The following SLC28A1 variants were observed in gnomAD, a reference collection of about 807,000 sequenced individuals.
The protein encoded by SLC28A1 is solute carrier family 28 member 1.
A neutral mutation model predicts 74.8 loss-of-function variants in SLC28A1; 64 were observed. The ratio of observed to expected loss-of-function variants is 0.86; its 90% CI spans 0.70 to 1.05. The LOEUF is 1.05. SLC28A1 is among the 50% of genes least tolerant of loss of function. SLC28A1 has a pLI of 0.00. For synonymous variants in SLC28A1, 359 were observed against 335.0 expected (o/e 1.07, Z -0.78); for missense variants, 828 against 822.8 (o/e 1.01, Z -0.08).
chr15:84,974,446 C>A, the SLC28A1 span, among the ~76,000 whole-genome samples: 1 of 152,218 alleles, frequency 6.6e-6, no homozygotes, highest in South Asian at 2.1e-4. Flanking sequence ...AATTACTTAA[C>A]CTCTCTGTCT....
the SLC28A1 span, among the ~76,000 whole-genome samples, chr15:84,966,615 A>G: frequency 6.6e-6 from 1 of 152,224 alleles, no homozygotes; most frequent in Non-Finnish European, 1.5e-5. Context: ...GGTTTAAAGG[A>G]TTTACAGTTC....
the SLC28A1 span, among the ~76,000 whole-genome samples, chr15:84,956,491 G>C: frequency 0.67 from 70,972 of 105,222 alleles, 22,798 homozygotes; most frequent in South Asian, 0.76. Context: ...TTCTTTCTTT[G>C]TTTCTCTTTC....
chr15:84,906,561 TTTCTCTTTCTTTCTTCCTTC>T (rs1567140421), intron 8 of SLC28A1, among the ~76,000 whole-genome samples: 2 of 86,200 alleles, frequency 2.3e-5, no homozygotes, highest in African/African-American at 1.0e-4. Context: ...TCTTTCTTTC[TTTCTCTTTCTTTCTTCCTTC>T]CTTCCTTCCT....
the SLC28A1 span, among the ~76,000 whole-genome samples, chr15:84,963,521 C>T: frequency 4.6e-5 from 7 of 152,302 alleles, no homozygotes; most frequent in South Asian, 8.3e-4. Context: ...GAGGGTGGGA[C>T]ACCCTTTCAC....
rs1321530168 is a variant in SLC28A1, at chr15:84,945,337, A to C, written c.*137A>C. On this transcript the variant is annotated 3_prime_UTR_variant, in exon 19 of 19. Transcript: ENST00000394573. ...ACCCAGCTCAATCCCACAATTGGGA[A>C]GGGTTCATGGAGTGAGTGTGCAGAG... 1 of 790,228 alleles carries C rather than the reference A, an allele frequency of 1.3e-6. No homozygotes were observed. The highest frequency in any genetic ancestry group is 2.2e-6 in the Non-Finnish European group (1 of 452,072). The allele number at this position is 790,228 out of a possible 1,614,324, so 49.0% of individuals were successfully genotyped here.
At chr15:84,940,416 A>T (rs1972519307) in intron 15 of SLC28A1, 1 of 152,758 alleles carries the variant, frequency 6.5e-6, no homozygotes, top group African/African-American at 2.4e-5. Flanking sequence ...ACATGGCCTT[A>T]CATTTTAATT....
chr15:84,928,579 T>C (rs1273922058), intron 12 of SLC28A1, among the ~76,000 whole-genome samples: 286 of 25,268 alleles, frequency 0.011, 2 homozygotes, highest in Middle Eastern at 0.059. Flanking sequence ...TCTTTCTTTC[T>C]TTCTTTCTTT....
At position 84,895,056 on chromosome 15, in the gene SLC28A1, C is replaced by T. The variant is rs1420760773; in HGVS notation, c.394C>T (p.Leu132=). 6.2e-7 allele frequency: 1 copy of T among 1,610,096 alleles called. No homozygotes were observed. The highest frequency in any genetic ancestry group is 8.5e-7 in the Non-Finnish European group (1 of 1,178,446). Reference sequence around the variant, plus strand: ...GGGCCACCGCCTGCTGAAACGGCTTCTGGGGCCAAAGCTGAGGAGGTTTCT... The same window carrying T: ...GGGCCACCGCCTGCTGAAACGGCTTTTGGGGCCAAAGCTGAGGAGGTTTCT... The part of the protein sequence containing the change: ...FLGHRLLKRL[L]GPKLRRFLKP... Residue 132 remains leucine (L), a synonymous_variant, in exon 6 of 19, where the codon CTG becomes TTG. Coordinates refer to ENST00000394573, the MANE Select transcript of SLC28A1 (RefSeq NM_004213.5).
chr15:84,966,924 A>G, the SLC28A1 span, among the ~76,000 whole-genome samples: 3 of 152,222 alleles, frequency 2.0e-5, no homozygotes, highest in Admixed American at 2.0e-4. Context: ...GGAACATGCC[A>G]CCATGCCCAG....
At chr15:84,970,987 A>G in the SLC28A1 span, among the ~76,000 whole-genome samples, 1 of 152,202 alleles carries the variant, frequency 6.6e-6, no homozygotes, top group Non-Finnish European at 1.5e-5. Flanking sequence ...GAGAAGTTCA[A>G]GGGCACAGTG....
At chr15:84,926,674 CA>C (rs1970545342) in intron 12 of SLC28A1, 2 of 378,028 alleles carry the variant, frequency 5.3e-6, no homozygotes, top group Non-Finnish European at 1.1e-5. Flanking sequence ...TTGCCCCACA[CA>C]AGGTGGTAGC....
intron 8 of SLC28A1, among the ~76,000 whole-genome samples, chr15:84,906,666 T>TA: frequency 6.7e-6 from 1 of 149,640 alleles, no homozygotes; most frequent in East Asian, 2.0e-4. Flanking sequence ...TTTTTTTTTT[T>TA]AGGTACAGGG....
chr15:84,895,050 C>G lies in SLC28A1; in HGVS notation c.388C>G (p.Arg130Gly), dbSNP rs2277577. The G allele has an allele frequency of 6.2e-7, 1 of 1,612,844 alleles. No individual in the cohort carries two copies. The highest frequency in any genetic ancestry group is 8.5e-7 in the Non-Finnish European group (1 of 1,179,610). ...LTFLGHRLLK[R>G]LLGPKLRRFL... ...CTTCCTGGGCCACCGCCTGCTGAAA[C>G]GGCTTCTGGGGCCAAAGCTGAGGAG... The change falls in exon 6 of 19, where the codon CGG (arginine) becomes GGG (glycine). Residue 130 changes from arginine (R) to glycine (G), a missense_variant. By Grantham distance (125) the Arg-to-Gly change is moderately radical. Coordinates refer to ENST00000394573, the MANE Select transcript of SLC28A1 (RefSeq NM_004213.5).
At chr15:84,943,410 G>C (rs769289097) in intron 15 of SLC28A1, 35 bp from the exon 16 acceptor site, 1 of 1,538,864 alleles carries the variant, frequency 6.5e-7, no homozygotes, top group Admixed American at 1.7e-5. Flanking sequence ...CCCATCTGAG[G>C]GGAGCCCCTC....
At chr15:84,904,034 T>G in intron 6 of SLC28A1, 63 bp from the exon 7 acceptor site, 1 of 1,608,740 alleles carries the variant, frequency 6.2e-7, no homozygotes, top group Non-Finnish European at 8.5e-7. Flanking sequence ...CCGGGTGCTA[T>G]TGTGTGTGGG....
Position 84,935,042 on chromosome 15 carries a change from A to G in SLC28A1, c.1231A>G (p.Ile411Val). ...KLTYGDAQNL[I>V]EAASTGAAIS... ...CAACAACAGAGATGCTCAGAACCTC[A>G]TAGAAGCAGCCAGCACTGGGGCCGC... The change falls in exon 14 of 19, where the codon ATA becomes GTA. Residue 411 changes from isoleucine to valine, a missense_variant. By Grantham distance (29) the Ile-to-Val change is conservative. Around this residue, in one of 3 missense-constraint regions of SLC28A1, gnomAD observed 767 missense variants for 753.5 expected, o/e 1.02. Transcript: ENST00000394573. 13 of 1,614,132 alleles carry G rather than the reference A, an allele frequency of 8.1e-6. No individual in the cohort carries two copies. Among genetic ancestry groups the G allele is most frequent in the Non-Finnish European group, 1.1e-5 (13 of 1,179,960 alleles).
the SLC28A1 span, among the ~76,000 whole-genome samples, chr15:84,952,186 A>G: frequency 2.0e-5 from 3 of 152,262 alleles, no homozygotes; most frequent in Admixed American, 2.0e-4. Context: ...CCTGCCAAAC[A>G]CTGCAAATTA....
intron 12 of SLC28A1, among the ~76,000 whole-genome samples, chr15:84,926,145 T>C (rs1490063855): frequency 6.7e-6 from 1 of 149,810 alleles, no homozygotes; most frequent in African/African-American, 2.4e-5. Flanking sequence ...TTTTATTATA[T>C]AGAGCAATTA....
At chr15:84,895,549 A>C in intron 6 of SLC28A1, 1 of 1,545,974 alleles carries the variant, frequency 6.5e-7, no homozygotes, top group Admixed American at 2.0e-5. Context: ...TGATGTAGCC[A>C]GCAGCGTCCT....
Sources: gnomAD v4.1 joint callset for allele counts (sites outside exome capture counted in the v4.1 genomes callset) on GRCh38, gnomAD v4.1.1 for gene constraint, gnomAD v4.1.1 regional missense constraint, MANE v1.5 for transcripts, NCBI Gene and HGNC (gene_info 2026-07-23, HGNC 2026-07-21) for gene names.